The following SNTG1 variants were observed in gnomAD, a reference collection of about 807,000 sequenced individuals.
SNTG1 encodes syntrophin gamma 1.
A neutral mutation model predicts 74.7 loss-of-function variants in SNTG1; 39 were observed. The observed-to-expected ratio is 0.52, with a 90% CI of 0.40 to 0.68. The LOEUF is 0.68. Among genes scored for constraint, SNTG1 ranks in the 30% least tolerant of loss-of-function variants. SNTG1 has a pLI of 0.00. For synonymous variants in SNTG1, 254 were observed against 217.1 expected (o/e 1.17, Z -1.49); for missense variants, 685 against 609.5 (o/e 1.12, Z -1.30).
chr8:50,695,744 T>C (rs1001453719), intron 15 of SNTG1, among the ~76,000 whole-genome samples: 2 of 151,866 alleles, frequency 1.3e-5, no homozygotes, highest in Admixed American at 6.6e-5. Flanking sequence ...ATTTCTGAGT[T>C]ATTTCATTTA....
rs756250836 is a variant in SNTG1 at position 49,996,372 on chromosome 8, C to CT, written c.-103+84152dup. On this transcript the variant is annotated intron_variant, in intron 1 of 18. Coordinates refer to ENST00000642720, the MANE Select transcript of SNTG1 (RefSeq NM_018967.5). The stretch of plus-strand genomic sequence containing the variant: ...AAATTAAAGAAGAAACAGTAAGAAG[C>CT]TTTTTTTTTTTACCTCCACAATGTT... 4.1e-3 allele frequency among the ~76,000 whole-genome samples: 590 copies of CT among 144,030 alleles called. 7 individuals are homozygous for CT. Among genetic ancestry groups the CT allele is most frequent in the East Asian group, 7.3e-3 (36 of 4,964 alleles). 94.5% of individuals were successfully genotyped at this position (144,030 alleles called of 152,430 possible). A position where few individuals can be genotyped will look rare whatever the true frequency, so the allele number is the denominator to read the frequency against.
intron 15 of SNTG1, among the ~76,000 whole-genome samples, chr8:50,658,901 C>T (rs1445211132): frequency 6.6e-6 from 1 of 152,148 alleles, no homozygotes; most frequent in Non-Finnish European, 1.5e-5. Context: ...GCAGTCCCAC[C>T]GTGGGTGAGG....
chr8:50,165,357 G>A (rs553053556), intron 1 of SNTG1, among the ~76,000 whole-genome samples: 1 of 152,258 alleles, frequency 6.6e-6, no homozygotes, highest in African/African-American at 2.4e-5. Flanking sequence ...CTGATGTTTG[G>A]ATGTACAGAA....
chr8:50,376,756 T>TATAGAGAGAGAGAGAGAGAGAG (rs1381048539), intron 2 of SNTG1, among the ~76,000 whole-genome samples: 1 of 89,962 alleles, frequency 1.1e-5, no homozygotes, highest in Admixed American at 1.3e-4. Context: ...TATATATATA[T>TATAGAGAGAGAGAGAGAGAGAG]AGAGAGAGAG....
intron 1 of SNTG1, among the ~76,000 whole-genome samples, chr8:49,916,095 C>T (rs1806002584): frequency 6.6e-6 from 1 of 151,884 alleles, no homozygotes. Flanking sequence ...CAGTTATTTC[C>T]AGCATTGTTT....
intron 2 of SNTG1, among the ~76,000 whole-genome samples, chr8:50,256,579 G>A (rs1356402630): frequency 6.6e-6 from 1 of 151,780 alleles, no homozygotes; most frequent in African/African-American, 2.4e-5. Context: ...AGAATTGAGG[G>A]AAATCCATTC....
intron 18 of SNTG1, among the ~76,000 whole-genome samples, chr8:50,779,077 C>A (rs2095650243): frequency 6.6e-6 from 1 of 152,108 alleles, no homozygotes; most frequent in African/African-American, 2.4e-5. Flanking sequence ...TGTTTTGGTA[C>A]CAGTACCATG....
At chr8:49,958,506 C>G (rs1810386945) in intron 1 of SNTG1, among the ~76,000 whole-genome samples, 1 of 151,654 alleles carries the variant, frequency 6.6e-6, no homozygotes, top group Non-Finnish European at 1.5e-5. Context: ...ACTGCAACCT[C>G]CACCTCCAGG....
intron 2 of SNTG1, among the ~76,000 whole-genome samples, chr8:50,186,022 T>C (rs537697619): frequency 6.6e-6 from 1 of 152,136 alleles, no homozygotes; most frequent in East Asian, 1.9e-4. Context: ...CCGACAGGTC[T>C]GTGTGTGTTG....
chr8:50,702,810 G>T (rs2095430660), intron 15 of SNTG1, among the ~76,000 whole-genome samples: 1 of 152,050 alleles, frequency 6.6e-6, no homozygotes, highest in Non-Finnish European at 1.5e-5. Flanking sequence ...TTTCTCCTAG[G>T]TTACACACCT....
At chr8:50,670,964 T>C (rs971971042) in intron 15 of SNTG1, among the ~76,000 whole-genome samples, 16 of 150,914 alleles carry the variant, frequency 1.1e-4, no homozygotes, top group African/African-American at 3.2e-4. Context: ...ATTTAATAAA[T>C]GGTGCTGGGA....
rs528109425 is a variant in SNTG1, at chr8:50,317,176, G to C, written c.-27-77036G>C. ...AATCTCATTAGCCTTTTCTGTTCTG[G>C]GAGGGTAAGCTTCAACCCAGCCCAT... On this transcript the variant is annotated intron_variant, in intron 2 of 18. Coordinates refer to ENST00000642720, the MANE Select transcript of SNTG1 (RefSeq NM_018967.5). Among the ~76,000 whole-genome samples, 17 of 152,180 alleles carry C rather than the reference G, an allele frequency of 1.1e-4. No homozygotes were observed. In the South Asian group the frequency reaches 3.5e-3, roughly 32 times the overall value.
intron 2 of SNTG1, among the ~76,000 whole-genome samples, chr8:50,226,831 T>C (rs945414934): frequency 2.2e-4 from 33 of 152,194 alleles, no homozygotes; most frequent in Non-Finnish European, 4.6e-4. Flanking sequence ...TCATGGACCA[T>C]GGTCACTCTT....
intron 1 of SNTG1, among the ~76,000 whole-genome samples, chr8:50,165,889 A>G (rs939181602): frequency 6.6e-6 from 1 of 151,820 alleles, no homozygotes; most frequent in Non-Finnish European, 1.5e-5. Context: ...GGCTACAGTA[A>G]CCAAAACAGC....
chr8:50,414,805 T>G (rs1405986585), intron 4 of SNTG1, among the ~76,000 whole-genome samples: 1 of 152,018 alleles, frequency 6.6e-6, no homozygotes, highest in Admixed American at 6.6e-5. Flanking sequence ...TGTACAGGCC[T>G]GGCTTCTAAT....
chr8:50,059,394 G>T (rs1022265232), intron 1 of SNTG1, among the ~76,000 whole-genome samples: 19 of 151,886 alleles, frequency 1.3e-4, no homozygotes, highest in African/African-American at 4.6e-4. Flanking sequence ...CAATTTAATG[G>T]CTTTTAGTAT....
intron 1 of SNTG1, among the ~76,000 whole-genome samples, chr8:50,132,137 C>T (rs2081337692): frequency 6.6e-6 from 1 of 152,068 alleles, no homozygotes; most frequent in Non-Finnish European, 1.5e-5. Flanking sequence ...TATTCTTGCT[C>T]AAAATTGCTT....
intron 2 of SNTG1, among the ~76,000 whole-genome samples, chr8:50,233,743 ATG>A (rs1419363755): frequency 1.3e-5 from 2 of 151,092 alleles, no homozygotes; most frequent in Non-Finnish European, 1.5e-5. Context: ...GGAAAAAAAA[ATG>A]AAGACACATT....
rs28532102 is a variant in SNTG1 at position 50,606,209 on chromosome 8, T to C, written c.849+15292T>C. Among the ~76,000 whole-genome samples the C allele has an allele frequency of 8.3e-3, 1,263 of 152,292 alleles. 18 individuals are homozygous for C. Among genetic ancestry groups the C allele is most frequent in the African/African-American group, 0.029 (1,205 of 41,566 alleles). ...ACTTGTAGACTTATTCAAGAGTAGT[T>C]GGGTATTTTTGAAATTGCATTGAAT... is the stretch of plus-strand genomic sequence containing the variant. On this transcript the variant is annotated intron_variant, in intron 13 of 18. Transcript: ENST00000642720.
Sources: allele counts gnomAD v4.1 joint callset (sites outside exome capture counted in the v4.1 genomes callset), GRCh38; gene constraint gnomAD v4.1.1; transcripts MANE v1.5; gene names NCBI Gene and HGNC (gene_info 2026-07-23, HGNC 2026-07-21).